The following TXLNB variants were observed in gnomAD, a reference collection of about 807,000 sequenced individuals.
TXLNB encodes the protein taxilin beta.
In TXLNB, 37 loss-of-function variants were observed where a neutral mutation model predicts 57.4. The ratio of observed to expected loss-of-function variants is 0.64; its 90% CI spans 0.50 to 0.85. TXLNB has a LOEUF of 0.85. Ranked by LOEUF, TXLNB falls within the 40% of genes least tolerant of loss-of-function variation. The pLI is 0.00. For missense variants in TXLNB, 848 were observed against 825.6 expected, an observed-to-expected ratio of 1.03 and a Z score of -0.33; for synonymous variants, 302 against 309.6, an observed-to-expected ratio of 0.98 and a Z score of 0.26.
At chr6:139,209,883 A>G in the TXLNB span, among the ~76,000 whole-genome samples, 1 of 152,248 alleles carries the variant, frequency 6.6e-6, no homozygotes, top group Non-Finnish European at 1.5e-5. Flanking sequence ...TAAACCAAAA[A>G]GATTCTGCAT....
the TXLNB span, among the ~76,000 whole-genome samples, chr6:139,161,710 T>C: frequency 6.6e-6 from 1 of 152,260 alleles, no homozygotes; most frequent in Non-Finnish European, 1.5e-5. Context: ...ATATTGTGAA[T>C]GCAAATGTTA....
At chr6:139,280,667 T>C (rs1353592015) in intron 2 of TXLNB, among the ~76,000 whole-genome samples, 1 of 138,556 alleles carries the variant, frequency 7.2e-6, no homozygotes, top group East Asian at 2.0e-4. Context: ...ATGCCTTTTC[T>C]CTTCCAAAAT....
chr6:139,162,193 A>T, the TXLNB span, among the ~76,000 whole-genome samples: 1 of 152,124 alleles, frequency 6.6e-6, no homozygotes, highest in Non-Finnish European at 1.5e-5. Context: ...GGACTCAAGT[A>T]AGATTGGGGC....
chr6:139,244,764 G>A (rs1776032488), intron 8 of TXLNB, 74 bp from the exon 9 acceptor site: 1 of 956,766 alleles, frequency 1.0e-6, no homozygotes, highest in Non-Finnish European at 1.7e-6. Context: ...CTCCATATGT[G>A]AGACCAGGAG....
intron 7 of TXLNB, among the ~76,000 whole-genome samples, chr6:139,250,739 C>G (rs551291395): frequency 3.9e-4 from 59 of 152,262 alleles, no homozygotes; most frequent in African/African-American, 1.4e-3. Context: ...TAGTTGCAGG[C>G]TGCAGACAGA....
In TXLNB at chr6:139,242,691, C is replaced by T; in HGVS notation, c.1890G>A (p.Val630=). The change falls in exon 10 of 10, where the codon GTG becomes GTA. Residue 630 remains valine, a synonymous_variant. Coordinates refer to ENST00000358430, the MANE Select transcript of TXLNB (RefSeq NM_153235.4). ...EASLQKMEAD[V]PAPACAAEEH... is the part of the protein sequence containing the mutation. ...CTTCTGCTGCGCATGCTGGAGCAGG[C>T]ACATCTGCCTCCATCTTCTGTAGGG... The T allele has an allele frequency of 1.2e-6, 2 of 1,611,046 alleles. No homozygotes were observed. The highest frequency in any genetic ancestry group is 1.7e-6 in the Non-Finnish European group (2 of 1,178,836).
At chr6:139,223,336 T>C in the TXLNB span, among the ~76,000 whole-genome samples, 1 of 152,120 alleles carries the variant, frequency 6.6e-6, no homozygotes, top group African/African-American at 2.4e-5. Flanking sequence ...AATGCATTTA[T>C]TGGGATGGGG....
At chr6:139,160,255 TAAAC>T in the TXLNB span, among the ~76,000 whole-genome samples, 3 of 152,238 alleles carry the variant, frequency 2.0e-5, no homozygotes, top group Non-Finnish European at 2.9e-5. Flanking sequence ...TATACTTTTT[TAAAC>T]AATGCCAACT....
chr6:139,171,505 A>G, the TXLNB span, among the ~76,000 whole-genome samples: 1 of 152,248 alleles, frequency 6.6e-6, no homozygotes, highest in South Asian at 2.1e-4. Flanking sequence ...CCTTGACCAC[A>G]TATCAGCATT....
At chr6:139,209,842 G>T in the TXLNB span, among the ~76,000 whole-genome samples, 1 of 152,130 alleles carries the variant, frequency 6.6e-6, no homozygotes, top group Admixed American at 6.5e-5. Context: ...AAAAGCAAAT[G>T]CAACAAAAAC....
chr6:139,179,097 A>G, the TXLNB span: 1 of 152,224 alleles, frequency 6.6e-6, no homozygotes, highest in Non-Finnish European at 1.5e-5. Context: ...TGATGCAACT[A>G]AAAGAGGATT....
the TXLNB span, chr6:139,234,272 T>C: frequency 1.3e-5 from 2 of 152,138 alleles, no homozygotes; most frequent in Non-Finnish European, 2.9e-5. Flanking sequence ...ACTCCAGAAA[T>C]TTGCATAAGT....
At chr6:139,274,219 T>C (rs1434991010) in intron 3 of TXLNB, among the ~76,000 whole-genome samples, 1 of 152,222 alleles carries the variant, frequency 6.6e-6, no homozygotes, top group Non-Finnish European at 1.5e-5. Flanking sequence ...ATGAATACAA[T>C]GTCAGATAAT....
At chr6:139,166,265 CTCTT>C in the TXLNB span, 8 of 1,566,610 alleles carry the variant, frequency 5.1e-6, no homozygotes, top group African/African-American at 6.8e-5. Context: ...AATCTGTTCT[CTCTT>C]TATTCCTCCC....
the TXLNB span, among the ~76,000 whole-genome samples, chr6:139,204,231 A>G: frequency 0.011 from 1,737 of 151,956 alleles, 16 homozygotes; most frequent in African/African-American, 0.026. Flanking sequence ...TAATTTTTGC[A>G]TTTTTTAGTA....
At position 139,241,517 on chromosome 6, in the gene TXLNB, A is replaced by G. The variant is rs1448804644; in HGVS notation, c.*1009T>C. The G allele has an allele frequency of 1.3e-5, 2 of 152,206 alleles. No individual in the cohort carries two copies. Among genetic ancestry groups the G allele is most frequent in the Non-Finnish European group, 2.9e-5 (2 of 68,040 alleles). The allele number at this position is 152,206 out of a possible 1,614,324, so 9.4% of individuals were successfully genotyped here. A position where few individuals can be genotyped will look rare whatever the true frequency, so the allele number is the denominator to read the frequency against. On this transcript the variant is annotated 3_prime_UTR_variant, in exon 10 of 10. Transcript: ENST00000358430. ...GCCCCTTCTTAGTGTGAGGTCCCTT[A>G]ACCCCTCAATCCCTAGCTCCCCTTT...
chr6:139,322,853 C>T, the TXLNB span, among the ~76,000 whole-genome samples: 12 of 152,316 alleles, frequency 7.9e-5, no homozygotes, highest in Middle Eastern at 3.4e-3. Context: ...TTTGTCTCCT[C>T]CTCTTGCCTG....
chr6:139,195,498 C>A, the TXLNB span, among the ~76,000 whole-genome samples: 47 of 152,218 alleles, frequency 3.1e-4, no homozygotes, highest in Admixed American at 2.3e-3. Flanking sequence ...ATGGAATTAT[C>A]CAGAATATGT....
At chr6:139,303,040 A>G in the TXLNB span, among the ~76,000 whole-genome samples, 1 of 152,216 alleles carries the variant, frequency 6.6e-6, no homozygotes, top group Non-Finnish European at 1.5e-5. Context: ...GTGGTTTTCA[A>G]AAGTTTTGAA....
Sources: gnomAD v4.1 joint callset for allele counts (sites outside exome capture counted in the v4.1 genomes callset) on GRCh38, gnomAD v4.1.1 for gene constraint, MANE v1.5 for transcripts, NCBI Gene and HGNC (gene_info 2026-07-23, HGNC 2026-07-21) for gene names.